PFDN1: variants seen among roughly 807,000 people sequenced by gnomAD.
PFDN1 encodes the protein prefoldin 1.
PFDN1 carries 6 observed loss-of-function variants against 17.3 expected under a neutral mutation model. The observed-to-expected ratio is 0.35, with a 90% CI of 0.19 to 0.69. PFDN1 has a LOEUF of 0.69. Among genes scored for constraint, PFDN1 ranks in the 30% least tolerant of loss-of-function variants. The pLI is 0.65. For synonymous variants in PFDN1, 58 were observed against 50.1 expected, an observed-to-expected ratio of 1.16 and a Z score of -0.67; for missense variants, 113 against 146.2, an observed-to-expected ratio of 0.77 and a Z score of 1.17.
chr5:140,273,170 AGGAGGC>A (rs1015191193), intron 3 of PFDN1, among the ~76,000 whole-genome samples: 9 of 150,964 alleles, frequency 6.0e-5, no homozygotes, highest in African/African-American at 1.9e-4. Context: ...GCTTGAACCC[AGGAGGC>A]GGAGGTTGCA....
chr5:140,261,161 C>CA (rs773165928), intron 3 of PFDN1, among the ~76,000 whole-genome samples: 1,672 of 47,018 alleles, frequency 0.036, 38 homozygotes, highest in African/African-American at 0.085. Flanking sequence ...GACTCCATCT[C>CA]AAAAAAAAAA....
At chr5:140,284,155 T>C (rs1765451586) in intron 2 of PFDN1, among the ~76,000 whole-genome samples, 1 of 152,224 alleles carries the variant, frequency 6.6e-6, no homozygotes, top group South Asian at 2.1e-4. Context: ...CGTTTTTCCA[T>C]GACCACATAT....
chr5:140,300,384 A>T, intron 2 of PFDN1, 32 bp downstream of exon 2: 1 of 1,517,410 alleles, frequency 6.6e-7, no homozygotes, highest in Non-Finnish European at 9.1e-7. Flanking sequence ...AGCACTCCCA[A>T]AATAACTCCA....
chr5:140,278,716 C>G (rs1765343529), intron 3 of PFDN1, among the ~76,000 whole-genome samples: 1 of 152,066 alleles, frequency 6.6e-6, no homozygotes, highest in African/African-American at 2.4e-5. Flanking sequence ...TAAACACTGT[C>G]ATAGAGGAAG....
intron 3 of PFDN1, among the ~76,000 whole-genome samples, chr5:140,269,312 C>CTAAA (rs1765173335): frequency 6.6e-6 from 1 of 151,692 alleles, no homozygotes. Context: ...AGCACCCAGC[C>CTAAA]TTATAACTTT....
At chr5:140,271,669 A>G (rs1439964043) in intron 3 of PFDN1, among the ~76,000 whole-genome samples, 1 of 152,134 alleles carries the variant, frequency 6.6e-6, no homozygotes, top group Non-Finnish European at 1.5e-5. Context: ...ATGCTAAGAT[A>G]AACTGTAAAA....
At chr5:140,280,014 C>CCAAAAAAA (rs1335205089) in intron 3 of PFDN1, among the ~76,000 whole-genome samples, 3 of 99,108 alleles carry the variant, frequency 3.0e-5, no homozygotes, top group Admixed American at 1.1e-4. Flanking sequence ...AAAAAAAAAA[C>CCAAAAAAA]AAAAAAAGAA....
chr5:140,254,466 C>A lies in PFDN1; in HGVS notation c.286-8409G>T, dbSNP rs923221648. Among the ~76,000 whole-genome samples, 5 of 152,172 alleles carry A rather than the reference C, an allele frequency of 3.3e-5. No homozygotes were observed. The highest frequency in any genetic ancestry group is 9.7e-5 in the African/African-American group (4 of 41,432). The stretch of plus-strand genomic sequence containing the variant: ...ATCATGCTTAGCCACCGGACTCCCC[C>A]CTCCTTGTTGCTTCAATCTTCCAGT... On this transcript the variant is annotated intron_variant, in intron 3 of 3. Transcript: ENST00000261813. The surrounding 1 kb of genome is among the most constrained non-coding windows in gnomAD (Gnocchi z 4.4).
chr5:140,271,061 T>A (rs367739451), intron 3 of PFDN1, among the ~76,000 whole-genome samples: 13 of 152,266 alleles, frequency 8.5e-5, no homozygotes, highest in African/African-American at 2.4e-4. Context: ...TCATAACATA[T>A]ACAATGAACA....
At chr5:140,300,679 G>A (rs1581101336) in intron 1 of PFDN1, 97 bp from the exon 2 acceptor site, 2 of 767,312 alleles carry the variant, frequency 2.6e-6, no homozygotes, top group Non-Finnish European at 4.2e-6. Flanking sequence ...GCTAGCCAGA[G>A]ACAAAGCTGT....
At chr5:140,256,658 C>CAAAAAAAAAAAAAAAAAAAAAA (rs757723797) in intron 3 of PFDN1, among the ~76,000 whole-genome samples, 5 of 39,882 alleles carry the variant, frequency 1.3e-4, no homozygotes, top group Admixed American at 4.3e-4. Context: ...CAAAAAATGA[C>CAAAAAAAAAAAAAAAAAAAAAA]AAAAAAAAAA....
chr5:140,281,619 T>C (rs918034692), intron 2 of PFDN1, 86 bp from the exon 3 acceptor site: 3 of 724,282 alleles, frequency 4.1e-6, no homozygotes, highest in Non-Finnish European at 7.4e-6. Context: ...AATATTAAAC[T>C]GAGCAAATTA....
chr5:140,302,961 G>A (rs1276514918), intron 1 of PFDN1, 80 bp downstream of exon 1: 1 of 1,002,188 alleles, frequency 1.0e-6, no homozygotes, highest in African/African-American at 1.6e-5. Flanking sequence ...TGCAAGGCTC[G>A]TGCCTCACTT....
At chr5:140,253,281 C>A (rs966188803) in intron 3 of PFDN1, among the ~76,000 whole-genome samples, 3 of 152,176 alleles carry the variant, frequency 2.0e-5, no homozygotes, top group Non-Finnish European at 4.4e-5. Flanking sequence ...TACCTGCCGA[C>A]AGACTGACAC....
At chr5:140,264,071 G>A (rs1035835630) in intron 3 of PFDN1, among the ~76,000 whole-genome samples, 1 of 136,660 alleles carries the variant, frequency 7.3e-6, no homozygotes. Flanking sequence ...CACGGTAGAA[G>A]GCAATGGGGA....
At chr5:140,287,750 A>G (rs1427682640) in intron 2 of PFDN1, among the ~76,000 whole-genome samples, 1 of 152,204 alleles carries the variant, frequency 6.6e-6, no homozygotes, top group Non-Finnish European at 1.5e-5. Flanking sequence ...CAATAAGAAA[A>G]CAAACGACCA....
chr5:140,296,724 T>A (rs1242209071), intron 2 of PFDN1, among the ~76,000 whole-genome samples: 2 of 152,222 alleles, frequency 1.3e-5, no homozygotes, highest in Non-Finnish European at 2.9e-5. Flanking sequence ...ACTACTCTTC[T>A]ACCCTCACTG....
At chr5:140,300,389 AC>A (rs748698133) in intron 2 of PFDN1, 26 bp downstream of exon 2, 2 of 1,517,314 alleles carry the variant, frequency 1.3e-6, no homozygotes, top group Non-Finnish European at 1.8e-6. Context: ...TCCCAAAATA[AC>A]TCCATTAAGG....
intron 3 of PFDN1, among the ~76,000 whole-genome samples, chr5:140,266,692 A>T (rs1561500469): frequency 6.6e-6 from 1 of 152,166 alleles, no homozygotes; most frequent in Non-Finnish European, 1.5e-5. Context: ...CAGAATGTGG[A>T]ACACACACAC....
Sources: allele counts gnomAD v4.1 joint callset (sites outside exome capture counted in the v4.1 genomes callset), GRCh38; gene constraint gnomAD v4.1.1; non-coding constraint Gnocchi (gnomAD v3.1); transcripts MANE v1.5; gene names NCBI Gene and HGNC (gene_info 2026-07-23, HGNC 2026-07-21).